The following SGK3 variants were observed in gnomAD, a reference collection of about 807,000 sequenced individuals.
The protein encoded by SGK3 is serine/threonine-protein kinase Sgk3.
In SGK3, 47 loss-of-function variants were observed where a neutral mutation model predicts 68.5. The ratio of observed to expected loss-of-function variants is 0.69; its 90% CI spans 0.54 to 0.87. The LOEUF (loss-of-function observed/expected upper bound fraction) is 0.87, where lower values mean the gene tolerates loss of function less well. Ranked by LOEUF, SGK3 falls within the 40% of genes least tolerant of loss-of-function variation. The pLI, the probability that SGK3 is intolerant of heterozygous loss-of-function variation, is 0.00. For synonymous variants in SGK3, 181 were observed against 189.1 expected, an observed-to-expected ratio of 0.96 and a Z score of 0.35; for missense variants, 479 against 575.5, an observed-to-expected ratio of 0.83 and a Z score of 1.72.
chr8:66,831,319 T>C lies in SGK3; in HGVS notation c.525+8T>C. The C allele has an allele frequency of 6.2e-7, 1 of 1,613,150 alleles. No homozygotes were observed. The highest frequency in any genetic ancestry group is 8.5e-7 in the Non-Finnish European group (1 of 1,179,726). ...AAAGGCAGCTTTGGCAAGGTAAGAG[T>C]GTTTTGTGAGGTTTTTATTTGGTTT... On this transcript the variant is annotated splice_region_variant and intron_variant, in intron 8 of 16. Transcript: ENST00000521198.
chr8:66,719,498 T>C (rs951195410), intron 1 of SGK3, among the ~76,000 whole-genome samples: 5 of 152,056 alleles, frequency 3.3e-5, no homozygotes, highest in African/African-American at 4.8e-5. Flanking sequence ...TTTTAATTTT[T>C]AATAGAGACA....
chr8:66,817,451 AC>A (rs1344116559), intron 5 of SGK3, among the ~76,000 whole-genome samples: 1 of 146,370 alleles, frequency 6.8e-6, no homozygotes, highest in Non-Finnish European at 1.5e-5. Context: ...AAAAAAACAA[AC>A]GGAGTTTCAC....
At chr8:66,723,093 A>T (rs1358456561) in intron 1 of SGK3, among the ~76,000 whole-genome samples, 7 of 18,052 alleles carry the variant, frequency 3.9e-4, no homozygotes, top group Admixed American at 3.5e-3. Flanking sequence ...TTTTGTTCAT[A>T]TATATATATA....
intron 1 of SGK3, among the ~76,000 whole-genome samples, chr8:66,754,728 C>T (rs1027278344): frequency 4.6e-5 from 7 of 152,228 alleles, no homozygotes; most frequent in East Asian, 1.9e-4. Context: ...ACTATCTCAT[C>T]GCCCACGTGG....
intron 1 of SGK3, among the ~76,000 whole-genome samples, chr8:66,740,999 T>C (rs2130396363): frequency 6.6e-6 from 1 of 152,136 alleles, no homozygotes; most frequent in East Asian, 1.9e-4. Context: ...GAGACTAATC[T>C]TCTTAAAGCC....
chr8:66,767,683 T>C, intron 1 of SGK3: 1 of 1,421,612 alleles, frequency 7.0e-7, no homozygotes. Context: ...ATAGCCATCA[T>C]CTGAGGCAGG....
Position 66,755,653 on chromosome 8 carries a change from T to C in SGK3, c.-121-37963T>C, listed in dbSNP as rs78763996. The stretch of plus-strand genomic sequence containing the variant: ...ACACCATACAGCACTCCCGTACTCA[T>C]TGAGTGACCCCAGTATGTCAGGCAC... On this transcript the variant is annotated intron_variant, in intron 1 of 16. Transcript: ENST00000521198. 8.4e-3 allele frequency among the ~76,000 whole-genome samples: 1,272 copies of C among 152,250 alleles called. 9 individuals carry two copies. Among genetic ancestry groups the C allele is most frequent in the African/African-American group, 0.029 (1,220 of 41,540 alleles).
intron 1 of SGK3, among the ~76,000 whole-genome samples, chr8:66,735,469 A>G (rs1009426661): frequency 6.6e-6 from 1 of 152,230 alleles, no homozygotes; most frequent in East Asian, 1.9e-4. Context: ...TGGTTAAATT[A>G]TAAAGCTTGG....
At chr8:66,745,513 G>A (rs1387257176) in intron 1 of SGK3, among the ~76,000 whole-genome samples, 2 of 152,114 alleles carry the variant, frequency 1.3e-5, no homozygotes, top group Admixed American at 6.6e-5. Flanking sequence ...GGAGGAGCTT[G>A]TAGTGAGCCG....
chr8:66,802,519 GTC>G (rs1807987236), intron 3 of SGK3, among the ~76,000 whole-genome samples: 1 of 151,980 alleles, frequency 6.6e-6, no homozygotes, highest in African/African-American at 2.4e-5. Context: ...TAATGAGACT[GTC>G]TCTACAAAAA....
chr8:66,744,483 G>GTATATATATA (rs869176585), intron 1 of SGK3, among the ~76,000 whole-genome samples: 13 of 40,756 alleles, frequency 3.2e-4, no homozygotes, highest in South Asian at 1.3e-3. Flanking sequence ...GTGTGTGTGT[G>GTATATATATA]TATATATATA....
chr8:66,717,185 A>G (rs1804658019), intron 1 of SGK3, among the ~76,000 whole-genome samples: 1 of 148,768 alleles, frequency 6.7e-6, no homozygotes, highest in African/African-American at 2.5e-5. Context: ...AGCCTGGGCA[A>G]CAAGAGTGAA....
intron 6 of SGK3, among the ~76,000 whole-genome samples, chr8:66,826,037 A>G (rs1026698149): frequency 7.9e-5 from 12 of 151,972 alleles, no homozygotes; most frequent in African/African-American, 2.9e-4. Context: ...CAATGGCTCA[A>G]TCTCGGCTCA....
chr8:66,785,152 C>A (rs1309511004), intron 1 of SGK3, among the ~76,000 whole-genome samples: 2 of 152,210 alleles, frequency 1.3e-5, no homozygotes, highest in African/African-American at 4.8e-5. Flanking sequence ...ACGCAGTTGC[C>A]TGGTGGATCC....
intron 14 of SGK3, among the ~76,000 whole-genome samples, chr8:66,846,888 A>G (rs1424809077): frequency 6.6e-6 from 1 of 152,188 alleles, no homozygotes; most frequent in African/African-American, 2.4e-5. Context: ...CATTATGCCT[A>G]TGATAAGGTT....
chr8:66,777,987 G>C (rs7015619), intron 1 of SGK3: 19,721 of 152,202 alleles, frequency 0.13, 2,423 homozygotes, highest in African/African-American at 0.32. Flanking sequence ...AGTGGCTGTT[G>C]CCTGTTTCTA....
chr8:66,732,585 CT>C (rs546440652), intron 1 of SGK3, among the ~76,000 whole-genome samples: 92 of 152,312 alleles, frequency 6.0e-4, no homozygotes, highest in African/African-American at 2.1e-3. Flanking sequence ...TGGCTCATGC[CT>C]GTGTTCCCAG....
At chr8:66,769,703 A>G (rs72652802) in intron 1 of SGK3, among the ~76,000 whole-genome samples, 15,041 of 151,976 alleles carry the variant, frequency 0.099, 1,023 homozygotes, top group East Asian at 0.22. Flanking sequence ...CTTTGTCTCT[A>G]CTTAACTTTT....
At chr8:66,831,008 C>T (rs544827169) in intron 7 of SGK3, among the ~76,000 whole-genome samples, 1 of 152,236 alleles carries the variant, frequency 6.6e-6, no homozygotes, top group South Asian at 2.1e-4. Context: ...TATTGAAGTT[C>T]CTCTTAAGCA....
Sources: allele counts gnomAD v4.1 joint callset (sites outside exome capture counted in the v4.1 genomes callset), GRCh38; gene constraint gnomAD v4.1.1; transcripts MANE v1.5; gene names NCBI Gene and HGNC (gene_info 2026-07-23, HGNC 2026-07-21).